The following KAT6A variants were observed in gnomAD, a reference collection of about 807,000 sequenced individuals.
KAT6A encodes the protein lysine acetyltransferase 6A, also known as histone acetyltransferase KAT6A.
KAT6A carries 9 observed loss-of-function variants against 198.4 expected under a neutral mutation model. That is an observed-to-expected ratio of 0.05 (90% CI 0.03 to 0.08). KAT6A has a LOEUF of 0.08. Ranked by LOEUF, KAT6A falls within the 10% of genes least tolerant of loss-of-function variation. The pLI is 1.00. For missense variants in KAT6A, 2,077 were observed against 2,509.9 expected (o/e 0.83, Z 3.69); for synonymous variants, 890 against 883.0 (o/e 1.01, Z -0.14).
intron 15 of KAT6A, 72 bp from the exon 16 acceptor site, chr8:41,937,640 T>C (rs1801185187): frequency 1.6e-6 from 2 of 1,233,748 alleles, no homozygotes; most frequent in Non-Finnish European, 2.3e-6. Context: ...GAAAACAGTT[T>C]TAAAACCAAA....
intron 8 of KAT6A, among the ~76,000 whole-genome samples, chr8:41,965,029 C>A (rs1823395867): frequency 6.6e-6 from 1 of 152,070 alleles, no homozygotes; most frequent in Non-Finnish European, 1.5e-5. Context: ...ATCAGATCAA[C>A]AAATATTTGA....
At chr8:41,950,297 T>C (rs1822599038) in intron 9 of KAT6A, among the ~76,000 whole-genome samples, 1 of 152,200 alleles carries the variant, frequency 6.6e-6, no homozygotes, top group Non-Finnish European at 1.5e-5. Flanking sequence ...AATGGCTTGT[T>C]ATAAACTTCA....
At chr8:41,981,528 T>C (rs1824357465) in intron 4 of KAT6A, among the ~76,000 whole-genome samples, 1 of 152,198 alleles carries the variant, frequency 6.6e-6, no homozygotes, top group Non-Finnish European at 1.5e-5. Context: ...GACTTGTAAT[T>C]AATATATCAA....
rs142617197 is a variant in KAT6A at position 41,940,730 on chromosome 8, C to T, written c.3039+112G>A. 108 of 1,296,180 alleles carry T rather than the reference C, an allele frequency of 8.3e-5. No homozygotes were observed. The African/African-American group carries it at 1.3e-3, about 16-fold the overall frequency. The allele number at this position is 1,296,180 out of a possible 1,614,324, so 80.3% of individuals were successfully genotyped here. On this transcript the variant is annotated intron_variant, in intron 15 of 16. Transcript: ENST00000265713. ...ATACAGAGGCTTAAGGTTTATAAAG[C>T]AATGCACTAGGAATTTCTAACTTAT... is the stretch of plus-strand genomic sequence containing the variant.
intron 2 of KAT6A, among the ~76,000 whole-genome samples, chr8:42,005,181 T>TA (rs950075534): frequency 2.6e-4 from 39 of 152,216 alleles, no homozygotes; most frequent in African/African-American, 9.2e-4. Context: ...TATTCGTGTT[T>TA]AAAAAAAATC....
chr8:42,006,806 G>T (rs907590388), intron 2 of KAT6A, among the ~76,000 whole-genome samples: 58 of 152,104 alleles, frequency 3.8e-4, no homozygotes, highest in African/African-American at 1.4e-3. Context: ...GACCAGACTG[G>T]CCAACGTGGT....
At position 42,021,620 on chromosome 8, in the gene KAT6A, G is replaced by T. The variant is rs577601593; in HGVS notation, c.600+26758C>A. ...TCAAGTCCTAAACTAATGAGAATTT[G>T]TGTTGTAAAAAACTCAGGGAGTACT... On this transcript the variant is annotated intron_variant, in intron 2 of 16. Transcript: ENST00000265713. Among the ~76,000 whole-genome samples, 187 of 152,264 alleles carry T rather than the reference G, an allele frequency of 1.2e-3. 1 individual carries two copies. Among genetic ancestry groups the T allele is most frequent in the South Asian group, 2.9e-3 (14 of 4,828 alleles).
At chr8:41,981,304 T>A (rs1740370709) in intron 4 of KAT6A, among the ~76,000 whole-genome samples, 2 of 152,048 alleles carry the variant, frequency 1.3e-5, no homozygotes, top group South Asian at 4.1e-4. Flanking sequence ...GGCGACAGAG[T>A]GAGACTCCTT....
intron 2 of KAT6A, among the ~76,000 whole-genome samples, chr8:42,006,150 A>G (rs1308926339): frequency 6.6e-6 from 1 of 152,228 alleles, no homozygotes; most frequent in Non-Finnish European, 1.5e-5. Context: ...AATAAAAACG[A>G]ATTTTAAGAA....
chr8:41,968,587 G>A (rs200981283), intron 8 of KAT6A, among the ~76,000 whole-genome samples: 4 of 152,170 alleles, frequency 2.6e-5, no homozygotes, highest in African/African-American at 4.8e-5. Context: ...GGGATCTAGA[G>A]CTAGAAATAC....
intron 2 of KAT6A, among the ~76,000 whole-genome samples, chr8:41,992,269 G>A (rs537268003): frequency 1.3e-5 from 2 of 152,224 alleles, no homozygotes; most frequent in East Asian, 3.9e-4. Flanking sequence ...ATCACTGTGA[G>A]AGAGCCCTTG....
chr8:41,988,908 C>T (rs1173398230), intron 2 of KAT6A, among the ~76,000 whole-genome samples: 1 of 152,162 alleles, frequency 6.6e-6, no homozygotes, highest in African/African-American at 2.4e-5. Context: ...AAGATGCATT[C>T]ATTCATTGGT....
intron 8 of KAT6A, among the ~76,000 whole-genome samples, chr8:41,970,068 G>T (rs1053373323): frequency 5.9e-5 from 9 of 151,844 alleles, no homozygotes; most frequent in Non-Finnish European, 1.2e-4. Context: ...CTATCAGTTT[G>T]TAAGTACAGT....
At chr8:41,980,121 A>C (rs1427077260) in intron 5 of KAT6A, among the ~76,000 whole-genome samples, 1 of 152,252 alleles carries the variant, frequency 6.6e-6, no homozygotes, top group East Asian at 1.9e-4. Flanking sequence ...TTTACTTAAG[A>C]AGCCTATAAA....
At chr8:41,952,833 A>T (rs1272282471) in intron 9 of KAT6A, among the ~76,000 whole-genome samples, 1 of 152,178 alleles carries the variant, frequency 6.6e-6, no homozygotes, top group African/African-American at 2.4e-5. Flanking sequence ...AATTTTTTTA[A>T]AAAATGTAAC....
chr8:41,951,912 C>T lies in KAT6A; in HGVS notation c.1599-2549G>A, dbSNP rs533498064. Among the ~76,000 whole-genome samples the T allele has an allele frequency of 5.1e-4, 77 of 152,182 alleles. No individual in the cohort carries two copies. In the South Asian group the frequency reaches 0.015, roughly 29 times the overall value. On this transcript the variant is annotated intron_variant, in intron 9 of 16. Transcript: ENST00000265713. Reference sequence around the variant, plus strand: ...TAGATACACATGCTACATGGAGCAGCGTAGGCCCAGTGATTAATGGTTATG... The same window carrying T: ...TAGATACACATGCTACATGGAGCAGTGTAGGCCCAGTGATTAATGGTTATG...
intron 2 of KAT6A, among the ~76,000 whole-genome samples, chr8:41,996,880 T>G (rs1825238045): frequency 6.6e-6 from 1 of 152,220 alleles, no homozygotes; most frequent in South Asian, 2.1e-4. Flanking sequence ...CAACTATAAT[T>G]ATTGCAACTC....
At chr8:42,040,333 T>C (rs1827594370) in intron 2 of KAT6A, among the ~76,000 whole-genome samples, 2 of 152,204 alleles carry the variant, frequency 1.3e-5, no homozygotes, top group Admixed American at 1.3e-4. Context: ...CCATTTGTGG[T>C]ACCCGATGTC....
At chr8:41,936,775 T>C (rs1455177902) in intron 16 of KAT6A, among the ~76,000 whole-genome samples, 1 of 152,242 alleles carries the variant, frequency 6.6e-6, no homozygotes, top group Admixed American at 6.5e-5. Flanking sequence ...TGACACAAGT[T>C]CCAATTTACA....
Sources: allele counts gnomAD v4.1 joint callset (sites outside exome capture counted in the v4.1 genomes callset), GRCh38; gene constraint gnomAD v4.1.1; transcripts MANE v1.5; gene names NCBI Gene and HGNC (gene_info 2026-07-23, HGNC 2026-07-21).